SLC6A6: variants seen among roughly 807,000 people sequenced by gnomAD.
SLC6A6 encodes the protein sodium- and chloride-dependent taurine transporter.
In SLC6A6, 16 loss-of-function variants were observed where a neutral mutation model predicts 68.8. The observed-to-expected ratio is 0.23, with a 90% CI of 0.16 to 0.35. SLC6A6 has a LOEUF of 0.35. Among genes scored for constraint, SLC6A6 ranks in the 10% least tolerant of loss-of-function variants. The pLI is 1.00. For synonymous variants in SLC6A6, 312 were observed against 315.4 expected (o/e 0.99, Z 0.12); for missense variants, 474 against 802.8 (o/e 0.59, Z 4.95).
rs1378008067 is a variant in SLC6A6 at position 14,447,806 on chromosome 3, G to A, written c.589G>A (p.Glu197Lys). ...CACCAACTTCACCTCCCCTGTCATCGAGTTCTGGGAGTAAGGCCACCTCAT... is the reference window on the plus strand; with the variant it reads ...CACCAACTTCACCTCCCCTGTCATCAAGTTCTGGGAGTAAGGCCACCTCAT... ...SSTNFTSPVI[E>K]FWERNVLSLS... is the part of the protein sequence containing the mutation. Residue 197 changes from glutamate (E) to lysine (K), a missense_variant, in exon 5 of 15, where the codon GAG becomes AAG. Coordinates refer to ENST00000622186, the MANE Select transcript of SLC6A6 (RefSeq NM_003043.6). The A allele has an allele frequency of 1.2e-6, 2 of 1,614,046 alleles. No homozygotes were observed. Among genetic ancestry groups the A allele is most frequent in the East Asian group, 2.2e-5 (1 of 44,892 alleles).
chr3:14,414,199 G>C (rs964884313), intron 1 of SLC6A6, among the ~76,000 whole-genome samples: 40 of 152,162 alleles, frequency 2.6e-4, no homozygotes, highest in Admixed American at 1.0e-3. Flanking sequence ...GCTCACCAGT[G>C]TAGTGCCGCC....
chr3:14,473,499 T>A (rs1700801941), intron 10 of SLC6A6, among the ~76,000 whole-genome samples: 1 of 152,112 alleles, frequency 6.6e-6, no homozygotes, highest in East Asian at 1.9e-4. Context: ...GTCTTCAGAG[T>A]CATTGTCCCA....
chr3:14,448,266 T>G (rs1700175888), intron 5 of SLC6A6: 1 of 206,754 alleles, frequency 4.8e-6, no homozygotes, highest in Admixed American at 5.6e-5. Flanking sequence ...GCTTTTGCTA[T>G]GTAACAACCA....
chr3:14,475,878 T>C (rs538296734), intron 10 of SLC6A6, among the ~76,000 whole-genome samples: 182 of 152,290 alleles, frequency 1.2e-3, no homozygotes, highest in African/African-American at 4.1e-3. Context: ...GCTCGTCTTT[T>C]CCCTTATTCC....
chr3:14,468,217 G>T lies in SLC6A6; in HGVS notation c.1096+5G>T. ...TTGCTGATGTGGCTGAGTCAGGTAC[G>T]GTGGTATCGGTGGCAGTGGTGGTGG... On this transcript the variant is annotated splice_donor_5th_base_variant and intron_variant, in intron 9 of 14. Coordinates refer to ENST00000622186, the MANE Select transcript of SLC6A6 (RefSeq NM_003043.6). The surrounding 1 kb of genome is among the most constrained non-coding windows in gnomAD (Gnocchi z 4.5). The T allele has an allele frequency of 1.9e-6, 3 of 1,611,542 alleles. No homozygotes were observed. The highest frequency in any genetic ancestry group is 1.7e-6 in the Non-Finnish European group (2 of 1,179,008).
intron 1 of SLC6A6, among the ~76,000 whole-genome samples, chr3:14,404,359 T>G (rs964203498): frequency 1.3e-5 from 2 of 151,806 alleles, no homozygotes; most frequent in African/African-American, 4.8e-5. Context: ...GGGGAGGAAT[T>G]TCATCAAGAT....
In SLC6A6 at chr3:14,414,103, A is replaced by G. The variant is rs1053997280; in HGVS notation, c.-53-2309A>G. Among the ~76,000 whole-genome samples, 33 of 152,144 alleles carry G rather than the reference A, an allele frequency of 2.2e-4. 1 individual carries two copies. The highest frequency in any genetic ancestry group is 7.7e-4 in the African/African-American group (32 of 41,428). ...TGGGGCTGAGTCCAGGTGCTGAAAG[A>G]TGTCATCGGGACTCAGTTTCCTTCT... On this transcript the variant is annotated intron_variant, in intron 1 of 14. Coordinates refer to ENST00000622186, the MANE Select transcript of SLC6A6 (RefSeq NM_003043.6).
chr3:14,472,795 A>T lies in SLC6A6; in HGVS notation c.1209+478A>T, dbSNP rs981102046. On this transcript the variant is annotated intron_variant, in intron 10 of 14. Transcript: ENST00000622186. The surrounding 1 kb of genome is among the most constrained non-coding windows in gnomAD (Gnocchi z 4.5). The stretch of plus-strand genomic sequence containing the variant: ...AGCTGATCATTGTCTGGGCCATCGT[A>T]ATAAGTTGCAAGTGCCCAGGAGAAG... Among the ~76,000 whole-genome samples, 2 of 152,208 alleles carry T rather than the reference A, an allele frequency of 1.3e-5. No individual in the cohort carries two copies. Among genetic ancestry groups the T allele is most frequent in the Admixed American group, 1.3e-4 (2 of 15,280 alleles).
chr3:14,414,240 A>G (rs1699315655), intron 1 of SLC6A6, among the ~76,000 whole-genome samples: 1 of 152,170 alleles, frequency 6.6e-6, no homozygotes, highest in African/African-American at 2.4e-5. Context: ...CTCAACCAAG[A>G]AAGAGCCTTG....
chr3:14,414,166 C>A (rs1248664906), intron 1 of SLC6A6, among the ~76,000 whole-genome samples: 1 of 152,230 alleles, frequency 6.6e-6, no homozygotes, highest in Admixed American at 6.5e-5. Context: ...ATGCCTGCTT[C>A]ATTCTCCATG....
intron 6 of SLC6A6, among the ~76,000 whole-genome samples, chr3:14,462,016 C>T (rs1315966162): frequency 6.6e-6 from 1 of 152,256 alleles, no homozygotes; most frequent in Non-Finnish European, 1.5e-5. Flanking sequence ...AGTTGGGCCA[C>T]AGGGCTTTTG....
At chr3:14,427,728 A>G (rs1574920703) in intron 2 of SLC6A6, among the ~76,000 whole-genome samples, 1 of 152,152 alleles carries the variant, frequency 6.6e-6, no homozygotes, top group African/African-American at 2.4e-5. Context: ...AAGGTGTCCC[A>G]GGGGCCAGCA....
chr3:14,485,580 G>A lies in SLC6A6; in HGVS notation c.*573G>A, dbSNP rs1446400892. On this transcript the variant is annotated 3_prime_UTR_variant, in exon 15 of 15. Coordinates refer to ENST00000622186, the MANE Select transcript of SLC6A6 (RefSeq NM_003043.6). Reference sequence around the variant, plus strand: ...GGACCCATTAGCTGGCAGACCCAGGGGGAAGAAAGGAGGGCTGTGAGGAGA... The same window carrying A: ...GGACCCATTAGCTGGCAGACCCAGGAGGAAGAAAGGAGGGCTGTGAGGAGA... 1 of 152,714 alleles carries A rather than the reference G, an allele frequency of 6.5e-6. No homozygotes were observed. The highest frequency in any genetic ancestry group is 2.4e-5 in the African/African-American group (1 of 41,434). The allele number at this position is 152,714 out of a possible 1,614,324, so 9.5% of individuals were successfully genotyped here.
intron 3 of SLC6A6, chr3:14,444,366 A>G (rs1025123354): frequency 9.9e-6 from 2 of 201,096 alleles, no homozygotes; most frequent in African/African-American, 4.6e-5. Flanking sequence ...AATAAAAAGT[A>G]CAGTGAAGAT....
intron 5 of SLC6A6, 39 bp from the exon 6 acceptor site, chr3:14,457,911 A>G (rs1402168146): frequency 1.9e-6 from 3 of 1,610,934 alleles, no homozygotes; most frequent in Non-Finnish European, 2.5e-6. Context: ...CTCCAGGGCC[A>G]GGCCCCTCAC....
At chr3:14,482,998 C>T (rs1217397982) in intron 14 of SLC6A6, among the ~76,000 whole-genome samples, 1 of 152,144 alleles carries the variant, frequency 6.6e-6, no homozygotes, top group Non-Finnish European at 1.5e-5. Flanking sequence ...TTCATTAGGG[C>T]ACAGCAAGGG....
intron 5 of SLC6A6, among the ~76,000 whole-genome samples, chr3:14,456,866 G>A (rs1700379050): frequency 6.6e-6 from 1 of 152,254 alleles, no homozygotes; most frequent in Non-Finnish European, 1.5e-5. Context: ...GGAGCATGCA[G>A]ACCCTGTCTC....
chr3:14,433,670 G>GGT (rs888102738), intron 2 of SLC6A6, among the ~76,000 whole-genome samples: 64 of 151,934 alleles, frequency 4.2e-4, no homozygotes, highest in Non-Finnish European at 7.9e-4. Flanking sequence ...TGGGCGTGGT[G>GGT]GCAGGCACCT....
At position 14,478,506 on chromosome 3, in the gene SLC6A6, C is replaced by G; in HGVS notation, c.1388C>G (p.Ala463Gly). 1 of 1,613,684 alleles carries G rather than the reference C, an allele frequency of 6.2e-7. No individual in the cohort carries two copies. Among genetic ancestry groups the G allele is most frequent in the Non-Finnish European group, 8.5e-7 (1 of 1,179,660 alleles). The change falls in exon 12 of 15, where the codon GCT becomes GGT. Residue 463 changes from alanine to glycine, a missense_variant. Coordinates refer to ENST00000622186, the MANE Select transcript of SLC6A6 (RefSeq NM_003043.6). Reference sequence around the variant, plus strand: ...TTTCAGCTCTTTGACTACTATGCAGCTAGCGGTGTATGCCTTTTGTGGGTT... The same window carrying G: ...TTTCAGCTCTTTGACTACTATGCAGGTAGCGGTGTATGCCTTTTGTGGGTT... ...YVFQLFDYYAASGVCLLWVAF... is the reference protein window; with the variant it reads ...YVFQLFDYYAGSGVCLLWVAF...
Sources: allele counts gnomAD v4.1 joint callset (sites outside exome capture counted in the v4.1 genomes callset), GRCh38; gene constraint gnomAD v4.1.1; non-coding constraint Gnocchi (gnomAD v3.1); transcripts MANE v1.5; gene names NCBI Gene and HGNC (gene_info 2026-07-23, HGNC 2026-07-21).